Variants in SELP observed in about 807,000 individuals in gnomAD.
The protein encoded by SELP is selectin P, also known as P-selectin.
A neutral mutation model predicts 104.1 loss-of-function variants in SELP; 92 were observed. That is an observed-to-expected ratio of 0.88 (90% confidence interval 0.75 to 1.05). The LOEUF (loss-of-function observed/expected upper bound fraction) is 1.05, where lower values mean the gene tolerates loss of function less well. Among genes scored for constraint, SELP ranks in the 50% least tolerant of loss-of-function variants. The probability of loss-of-function intolerance (pLI) is 0.00; values close to 1 mark genes in which losing one functional copy is unlikely to be tolerated. For synonymous variants in SELP, 397 were observed against 364.5 expected (o/e 1.09, Z -1.01); for missense variants, 1,022 against 1,017.3 (o/e 1.00, Z -0.06).
Position 169,606,987 on chromosome 1 carries a change from G to A in SELP, c.1481C>T (p.Ala494Val). 6.2e-7 allele frequency: 1 copy of A among 1,613,606 alleles called. No homozygotes were observed. Among genetic ancestry groups the A allele is most frequent in the Non-Finnish European group, 8.5e-7 (1 of 1,179,778 alleles). Residue 494 changes from alanine to valine, a missense_variant, in exon 9 of 17, where the codon GCT becomes GTT. Coordinates refer to ENST00000263686, the MANE Select transcript of SELP (RefSeq NM_003005.4). ...LVGASVLQCL[A>V]TGNWNSVPPE... is the part of the protein sequence containing the mutation. ...AGGAACAGAATTCCAGTTTCCAGTAGCCAAGCACTGTAGCACACTTGCTCC... is the reference window on the plus strand; with the variant it reads ...AGGAACAGAATTCCAGTTTCCAGTAACCAAGCACTGTAGCACACTTGCTCC...
chr1:169,608,203 AAATTT>A (rs1165059319), intron 8 of SELP, among the ~76,000 whole-genome samples: 1 of 151,152 alleles, frequency 6.6e-6, no homozygotes, highest in Non-Finnish European at 1.5e-5. Context: ...ACGTAGCATG[AAATTT>A]AATTTACCAT....
rs771186184 is a variant in SELP, at chr1:169,609,716, C to T, written c.1148-27G>A. The stretch of plus-strand genomic sequence containing the variant: ...TAAGTGGAAAAGGTATCTTCTAAAG[C>T]CAGGTAATGGAAGGGCCGGGTTCTT... On this transcript the variant is annotated intron_variant, in intron 7 of 16. Transcript: ENST00000263686. The T allele has an allele frequency of 3.2e-6, 5 of 1,584,696 alleles. No individual in the cohort carries two copies. The East Asian group carries it at 6.7e-5, about 21-fold the overall frequency.
chr1:169,593,813 C>A, intron 13 of SELP, 89 bp from the exon 14 acceptor site: 2 of 1,387,346 alleles, frequency 1.4e-6, no homozygotes, highest in South Asian at 2.6e-5. Flanking sequence ...TTCAAGAACT[C>A]TAAGATGTGC....
intron 1 of SELP, among the ~76,000 whole-genome samples, chr1:169,624,635 G>C (rs554564610): frequency 6.6e-6 from 1 of 152,274 alleles, no homozygotes; most frequent in Admixed American, 6.5e-5. Flanking sequence ...TGTAGTCCCA[G>C]CTACTTGGGA....
intron 8 of SELP, 81 bp from the exon 9 acceptor site, chr1:169,607,215 G>A (rs529318662): frequency 1.7e-5 from 20 of 1,174,138 alleles, no homozygotes; most frequent in Non-Finnish European, 2.3e-5. Context: ...TCTTTCTAGT[G>A]TCAAGAACAG....
chr1:169,597,046 A>C lies in SELP; in HGVS notation c.1836T>G (p.Asn612Lys). 6.2e-7 allele frequency: 1 copy of C among 1,613,408 alleles called. No individual in the cohort carries two copies. The highest frequency in any genetic ancestry group is 2.2e-5 in the East Asian group (1 of 44,878). ...TTCCAGAAGTTGTGCATTCCACATT[A>C]TTGGGCCCCTCCAGCTTAAAGCCGT... ...CDNGFKLEGP[N>K]NVECTTSGRW... The change falls in exon 11 of 17, where the codon AAT becomes AAG. Residue 612 changes from asparagine (N) to lysine (K), a missense_variant. Coordinates refer to ENST00000263686, the MANE Select transcript of SELP (RefSeq NM_003005.4).
At chr1:169,601,796 A>G (rs1216233230) in intron 10 of SELP, among the ~76,000 whole-genome samples, 1 of 152,174 alleles carries the variant, frequency 6.6e-6, no homozygotes, top group East Asian at 1.9e-4. Context: ...TCACCTTTAA[A>G]ATGGGCATAG....
chr1:169,623,515 C>G (rs561523402), intron 1 of SELP, among the ~76,000 whole-genome samples: 1 of 152,298 alleles, frequency 6.6e-6, no homozygotes, highest in Non-Finnish European at 1.5e-5. Context: ...ATTTCATCAG[C>G]AAATTCTCTA....
At chr1:169,594,553 T>C (rs1226394040) in intron 13 of SELP, 139 bp downstream of exon 13, 10 of 758,602 alleles carry the variant, frequency 1.3e-5, no homozygotes, top group Non-Finnish European at 1.9e-5. Flanking sequence ...TTCTGCCTGA[T>C]TCATTGTGAA....
chr1:169,610,845 T>A (rs907573404), intron 7 of SELP, among the ~76,000 whole-genome samples: 4 of 152,054 alleles, frequency 2.6e-5, no homozygotes, highest in Non-Finnish European at 5.9e-5. Context: ...AGTGTTTCTC[T>A]CTTCTCTCTT....
intron 10 of SELP, among the ~76,000 whole-genome samples, chr1:169,602,309 G>A (rs374143985): frequency 6.6e-6 from 1 of 152,130 alleles, no homozygotes; most frequent in African/African-American, 2.4e-5. Flanking sequence ...TTATGCTAGG[G>A]TTAAATCTCA....
Position 169,617,299 on chromosome 1 carries a change from G to T in SELP, c.210C>A (p.Ile70=), listed in dbSNP as rs760808267. The T allele has an allele frequency of 6.2e-7, 1 of 1,614,018 alleles. No individual in the cohort carries two copies. Among genetic ancestry groups the T allele is most frequent in the Non-Finnish European group, 8.5e-7 (1 of 1,180,018 alleles). The change falls in exon 3 of 17, where the codon ATC becomes ATA. Residue 70 remains isoleucine, a synonymous_variant. Transcript: ENST00000263686. ...GGTAATCAATTTCATTTTTATTCTG[G>T]ATGGCCACTAAGTCTGTGTAGCGAT... is the stretch of plus-strand genomic sequence containing the variant. ...CQNRYTDLVA[I]QNKNEIDYLN...
At chr1:169,602,311 T>G (rs1356023196) in intron 10 of SELP, among the ~76,000 whole-genome samples, 3 of 152,224 alleles carry the variant, frequency 2.0e-5, no homozygotes, top group African/African-American at 7.2e-5. Context: ...ATGCTAGGGT[T>G]AAATCTCACC....
rs1571623646 is a variant in SELP at position 169,596,043 on chromosome 1, G to A, written c.1983C>T (p.Thr661=). The change falls in exon 12 of 17, where the codon ACC becomes ACT. Residue 661 remains threonine, a synonymous_variant. Transcript: ENST00000263686. ...GTMYCRHHPG[T]FGFNTTCYFG... ...AGTAACAAGTGGTATTAAAACCAAA[G>A]GTTCCCGGATGATGCCTACAGTACA... 5 of 1,613,954 alleles carry A rather than the reference G, an allele frequency of 3.1e-6. No individual in the cohort carries two copies. The highest frequency in any genetic ancestry group is 3.4e-6 in the Non-Finnish European group (4 of 1,179,852).
chr1:169,603,169 A>C lies in SELP; in HGVS notation c.1562T>G (p.Met521Arg). 6.2e-7 allele frequency: 1 copy of C among 1,614,054 alleles called. No homozygotes were observed. The highest frequency in any genetic ancestry group is 1.1e-5 in the South Asian group (1 of 91,066). The change falls in exon 10 of 17, where the codon ATG becomes AGG. Residue 521 changes from methionine to arginine, a missense_variant. Physicochemically the swap from Met to Arg is moderately conservative, Grantham distance 91. Coordinates refer to ENST00000263686, the MANE Select transcript of SELP (RefSeq NM_003005.4). ...ACTTCCAAGAGGTTGAACACAGGTC[A>C]TTGTTCCATTCTGAGGGCTTAGCAA... ...TPLLSPQNGT[M>R]TCVQPLGSSS...
intron 1 of SELP, among the ~76,000 whole-genome samples, chr1:169,624,792 A>G (rs1246365880): frequency 6.6e-6 from 1 of 152,130 alleles, no homozygotes; most frequent in Admixed American, 6.5e-5. Flanking sequence ...CAGGGTGAAG[A>G]GAAAAGCAGA....
At chr1:169,605,542 G>A (rs1477727917) in intron 9 of SELP, among the ~76,000 whole-genome samples, 1 of 151,872 alleles carries the variant, frequency 6.6e-6, no homozygotes, top group Non-Finnish European at 1.5e-5. Flanking sequence ...AATAGTGAGT[G>A]GTTTCCTTTT....
intron 9 of SELP, among the ~76,000 whole-genome samples, chr1:169,603,704 G>A (rs140809021): frequency 1.3e-5 from 2 of 152,252 alleles, no homozygotes; most frequent in Non-Finnish European, 2.9e-5. Context: ...CCAAGTGGTG[G>A]AATCTGCGCC....
chr1:169,617,462 A>C, intron 2 of SELP, 48 bp from the exon 3 acceptor site: 1 of 1,573,468 alleles, frequency 6.4e-7, no homozygotes, highest in Admixed American at 1.8e-5. Flanking sequence ...TCACCAAAAA[A>C]GAGGCCGTGA....
Sources: allele counts gnomAD v4.1 joint callset (sites outside exome capture counted in the v4.1 genomes callset), GRCh38; gene constraint gnomAD v4.1.1; transcripts MANE v1.5; gene names NCBI Gene and HGNC (gene_info 2026-07-23, HGNC 2026-07-21).